The following CCDC178 variants were observed in gnomAD, a reference collection of about 807,000 sequenced individuals.
CCDC178 encodes coiled-coil domain containing 178.
A neutral mutation model predicts 117.4 loss-of-function variants in CCDC178; 126 were observed. The ratio of observed to expected loss-of-function variants is 1.07; its 90% CI spans 0.93 to 1.24. The LOEUF (loss-of-function observed/expected upper bound fraction) is 1.24, where lower values mean the gene tolerates loss of function less well. CCDC178 is among the 50% of genes most tolerant of loss of function. The probability of loss-of-function intolerance (pLI) is 0.00; values close to 1 mark genes in which losing one functional copy is unlikely to be tolerated. For missense variants in CCDC178, 1,030 were observed against 986.9 expected (o/e 1.04, Z -0.59); for synonymous variants, 283 against 313.4 (o/e 0.90, Z 1.02).
At chr18:33,138,069 T>C (rs145302182) in intron 20 of CCDC178, among the ~76,000 whole-genome samples, 1 of 152,246 alleles carries the variant, frequency 6.6e-6, no homozygotes, top group Non-Finnish European at 1.5e-5. Context: ...CTCACATGAG[T>C]TCAAAAGGGG....
intron 8 of CCDC178, among the ~76,000 whole-genome samples, chr18:33,346,724 G>T (rs1035955113): frequency 1.3e-5 from 2 of 151,872 alleles, no homozygotes; most frequent in African/African-American, 4.8e-5. Flanking sequence ...TACTATAGAG[G>T]TTTATTTTAA....
Position 33,354,830 on chromosome 18 carries a change from GT to G in CCDC178, c.371+1493del, listed in dbSNP as rs2063031904. On this transcript the variant is annotated intron_variant, in intron 7 of 22. Transcript: ENST00000383096. ...GGGTTTCACCATATTGGCCAGGCTG[GT>G]CTTGAATCCCTGACATGATCCACCC... 2.0e-5 allele frequency among the ~76,000 whole-genome samples: 3 copies of G among 152,050 alleles called. No homozygotes were observed. The South Asian group carries it at 6.2e-4, about 32-fold the overall frequency.
intron 20 of CCDC178, among the ~76,000 whole-genome samples, chr18:33,195,406 T>C (rs767444212): frequency 2.6e-5 from 4 of 152,112 alleles, no homozygotes; most frequent in Non-Finnish European, 5.9e-5. Context: ...AAAGTTACCC[T>C]GGTTACCTGA....
At chr18:33,202,915 C>T (rs564800048) in intron 20 of CCDC178, among the ~76,000 whole-genome samples, 2 of 152,090 alleles carry the variant, frequency 1.3e-5, no homozygotes, top group African/African-American at 2.4e-5. Context: ...TCCTAAATAA[C>T]CATTTTTGTA....
At chr18:33,022,672 G>T (rs1288983931) in intron 21 of CCDC178, among the ~76,000 whole-genome samples, 1 of 151,928 alleles carries the variant, frequency 6.6e-6, no homozygotes, top group Non-Finnish European at 1.5e-5. Context: ...ATAAAACTGA[G>T]AAATGAAAAC....
chr18:32,945,995 CTT>C (rs1208570344), intron 22 of CCDC178, among the ~76,000 whole-genome samples: 2 of 152,030 alleles, frequency 1.3e-5, no homozygotes, highest in African/African-American at 2.4e-5. Context: ...ATAATTGTCT[CTT>C]GACCATAAAG....
At chr18:32,955,658 T>C (rs2054579273) in intron 22 of CCDC178, among the ~76,000 whole-genome samples, 1 of 152,056 alleles carries the variant, frequency 6.6e-6, no homozygotes, top group Non-Finnish European at 1.5e-5. Flanking sequence ...CTCCCAGATC[T>C]TTGTCATGTC....
chr18:33,145,543 A>C (rs1189758407), intron 20 of CCDC178, among the ~76,000 whole-genome samples: 2 of 152,184 alleles, frequency 1.3e-5, no homozygotes, highest in Non-Finnish European at 2.9e-5. Context: ...AAAATTTTTA[A>C]AATTATAATA....
chr18:32,974,263 C>T (rs1226649630), intron 22 of CCDC178, among the ~76,000 whole-genome samples: 1 of 151,982 alleles, frequency 6.6e-6, no homozygotes, highest in East Asian at 1.9e-4. Flanking sequence ...ATGACATCTG[C>T]AAAGCCTGAA....
intron 3 of CCDC178, among the ~76,000 whole-genome samples, chr18:33,406,194 A>G (rs2063778419): frequency 6.6e-6 from 1 of 152,062 alleles, no homozygotes; most frequent in African/African-American, 2.4e-5. Flanking sequence ...TGAAAATGAA[A>G]CTTTATGAGT....
intron 20 of CCDC178, among the ~76,000 whole-genome samples, chr18:33,113,888 G>A (rs1018920169): frequency 6.6e-6 from 1 of 152,006 alleles, no homozygotes; most frequent in Non-Finnish European, 1.5e-5. Flanking sequence ...TTCTTCCCAG[G>A]CTAGTGACCA....
intron 21 of CCDC178, among the ~76,000 whole-genome samples, chr18:33,081,417 T>C (rs954060008): frequency 2.6e-5 from 4 of 152,196 alleles, no homozygotes; most frequent in African/African-American, 9.7e-5. Context: ...AGTTCAGTTT[T>C]GACAGTAAAA....
intron 20 of CCDC178, among the ~76,000 whole-genome samples, chr18:33,103,091 A>T (rs1358463316): frequency 6.6e-6 from 1 of 151,844 alleles, no homozygotes; most frequent in Non-Finnish European, 1.5e-5. Flanking sequence ...GTTGATAAAG[A>T]CATACCTGAG....
At chr18:33,337,483 C>T (rs527665581) in intron 9 of CCDC178, among the ~76,000 whole-genome samples, 20 of 152,060 alleles carry the variant, frequency 1.3e-4, no homozygotes, top group Non-Finnish European at 4.4e-5. Flanking sequence ...TTGTCTTGCT[C>T]CAGTTCTCAG....
intron 14 of CCDC178, among the ~76,000 whole-genome samples, chr18:33,261,330 A>G (rs551657708): frequency 8.5e-5 from 13 of 152,124 alleles, no homozygotes; most frequent in Admixed American, 5.9e-4. Flanking sequence ...TGATCCGCCC[A>G]CCTTGGCCTC....
chr18:33,245,251 C>G lies in CCDC178; in HGVS notation c.1587G>C (p.Lys529Asn). 1 of 1,579,244 alleles carries G rather than the reference C, an allele frequency of 6.3e-7. No homozygotes were observed. Among genetic ancestry groups the G allele is most frequent in the Non-Finnish European group, 8.6e-7 (1 of 1,166,482 alleles). The change falls in exon 15 of 23, where the codon AAG becomes AAC. Residue 529 changes from lysine (K) to asparagine (N), a missense_variant. By Grantham distance (94) the Lys-to-Asn change is moderately conservative. Coordinates refer to ENST00000383096, the MANE Select transcript of CCDC178 (RefSeq NM_001105528.4). The stretch of plus-strand genomic sequence containing the variant: ...GAACACAAAGATACACAACCTTGAA[C>G]TTTCTTCTCACTTCTGCTATTTTAT... ...MEDKIAEVRRKFKGREEFLKK... is the reference protein window; with the variant it reads ...MEDKIAEVRRNFKGREEFLKK...
At chr18:33,410,474 G>C (rs1450090964) in intron 3 of CCDC178, among the ~76,000 whole-genome samples, 1 of 151,944 alleles carries the variant, frequency 6.6e-6, no homozygotes, top group South Asian at 2.1e-4. Context: ...AATGTTGATA[G>C]AAGAAATAAA....
At chr18:33,393,250 G>C (rs2063585727) in intron 4 of CCDC178, among the ~76,000 whole-genome samples, 1 of 152,050 alleles carries the variant, frequency 6.6e-6, no homozygotes, top group Non-Finnish European at 1.5e-5. Flanking sequence ...ATCTGTAACT[G>C]TTAGTATATA....
intron 21 of CCDC178, among the ~76,000 whole-genome samples, chr18:33,076,694 G>A (rs1048982441): frequency 6.6e-6 from 1 of 152,174 alleles, no homozygotes; most frequent in Non-Finnish European, 1.5e-5. Flanking sequence ...GTGTGTGTGA[G>A]GGGGAGGAGG....
Sources: allele counts gnomAD v4.1 joint callset (sites outside exome capture counted in the v4.1 genomes callset), GRCh38; gene constraint gnomAD v4.1.1; transcripts MANE v1.5; gene names NCBI Gene and HGNC (gene_info 2026-07-23, HGNC 2026-07-21).